Variants in LYPD6B observed in about 807,000 individuals in gnomAD.
LYPD6B encodes the protein ly6/PLAUR domain-containing protein 6B.
Under a neutral mutation model 22.8 loss-of-function variants are expected in LYPD6B, and 17 were observed. The ratio of observed to expected loss-of-function variants is 0.75; its 90% CI spans 0.51 to 1.12. The LOEUF (loss-of-function observed/expected upper bound fraction) is 1.12. Ranked by LOEUF, LYPD6B falls within the 50% of genes most tolerant of loss-of-function variation. LYPD6B has a pLI of 0.00. For missense variants in LYPD6B, 221 were observed against 258.3 expected (o/e 0.86, Z 0.99); for synonymous variants, 106 against 91.6 (o/e 1.16, Z -0.90).
intron 1 of LYPD6B, among the ~76,000 whole-genome samples, chr2:149,069,692 A>G (rs1684509961): frequency 6.6e-6 from 1 of 152,094 alleles, no homozygotes; most frequent in Non-Finnish European, 1.5e-5. Flanking sequence ...CCTGTCTCCT[A>G]TAACTCTGCA....
intron 3 of LYPD6B, among the ~76,000 whole-genome samples, chr2:149,191,283 AACT>A (rs897544385): frequency 6.6e-6 from 1 of 152,188 alleles, no homozygotes; most frequent in Non-Finnish European, 1.5e-5. Flanking sequence ...AATTCTTTAA[AACT>A]TAATTAAATA....
At chr2:149,070,919 C>T (rs1684574698) in intron 1 of LYPD6B, among the ~76,000 whole-genome samples, 2 of 152,180 alleles carry the variant, frequency 1.3e-5, no homozygotes. Context: ...AGGGAAATGA[C>T]AGAGCATATT....
chr2:149,137,469 C>T (rs575016565), intron 2 of LYPD6B, among the ~76,000 whole-genome samples: 1 of 152,250 alleles, frequency 6.6e-6, no homozygotes, highest in African/African-American at 2.4e-5. Flanking sequence ...AACATGTAGG[C>T]ATTTCAAAAT....
chr2:149,190,584 T>C (rs1347487139), intron 3 of LYPD6B, among the ~76,000 whole-genome samples: 1 of 152,218 alleles, frequency 6.6e-6, no homozygotes, highest in Admixed American at 6.5e-5. Flanking sequence ...AACATGTTCA[T>C]GTATCAGCTT....
At chr2:149,165,826 A>C (rs1690383443) in intron 3 of LYPD6B, among the ~76,000 whole-genome samples, 1 of 152,174 alleles carries the variant, frequency 6.6e-6, no homozygotes, top group Non-Finnish European at 1.5e-5. Flanking sequence ...CTCCTAGCAG[A>C]GTTCTCTCTT....
chr2:149,064,086 T>C (rs1030663912), intron 1 of LYPD6B, among the ~76,000 whole-genome samples: 1 of 152,220 alleles, frequency 6.6e-6, no homozygotes, highest in African/African-American at 2.4e-5. Context: ...CTGATTATAC[T>C]GATTGTTTTT....
rs1158167546 is a variant in LYPD6B at position 149,132,972 on chromosome 2, TA to T, written c.5+2021del. Among the ~76,000 whole-genome samples the T allele has an allele frequency of 2.6e-5, 4 of 152,342 alleles. No individual in the cohort carries two copies. In the East Asian group the frequency reaches 5.8e-4, roughly 22 times the overall value. On this transcript the variant is annotated intron_variant, in intron 2 of 6. Coordinates refer to ENST00000409642, the MANE Select transcript of LYPD6B (RefSeq NM_177964.5). ...TGGATCAGGAACTGTAGTACTTATT[TA>T]ATTATATTTCAGAGTTTTGTTTTTA...
At chr2:149,119,601 G>A (rs967111038) in intron 1 of LYPD6B, among the ~76,000 whole-genome samples, 7 of 152,108 alleles carry the variant, frequency 4.6e-5, no homozygotes, top group Admixed American at 6.6e-5. Flanking sequence ...CCTTGGCTCC[G>A]GGCCCGTAGG....
rs557145742 is a variant in LYPD6B at position 149,137,288 on chromosome 2, C to A, written c.5+6335C>A. ...ATCCACTTAAGTGTGTTCCAAAGCT[C>A]AGGCTGTTATTATTTTATTTTTAAG... On this transcript the variant is annotated intron_variant, in intron 2 of 6. Transcript: ENST00000409642. 6.6e-5 allele frequency among the ~76,000 whole-genome samples: 10 copies of A among 152,260 alleles called. No homozygotes were observed. The South Asian group carries it at 2.1e-3, about 32-fold the overall frequency.
At chr2:149,041,710 A>G (rs1451350330) in intron 1 of LYPD6B, among the ~76,000 whole-genome samples, 1 of 152,180 alleles carries the variant, frequency 6.6e-6, no homozygotes, top group Admixed American at 6.5e-5. Flanking sequence ...ATACCATGGG[A>G]GATGCCTAGG....
chr2:149,172,534 A>C (rs1165444100), intron 3 of LYPD6B, among the ~76,000 whole-genome samples: 1 of 152,174 alleles, frequency 6.6e-6, no homozygotes, highest in Non-Finnish European at 1.5e-5. Context: ...TCAGTGGTAC[A>C]ACCAGGACAT....
chr2:149,163,448 A>T (rs747970520), intron 3 of LYPD6B, among the ~76,000 whole-genome samples: 4 of 152,196 alleles, frequency 2.6e-5, no homozygotes, highest in Admixed American at 6.5e-5. Context: ...CAAACAGAAG[A>T]ACAAACAAGT....
At chr2:149,099,552 C>G (rs1029943411) in intron 1 of LYPD6B, among the ~76,000 whole-genome samples, 1 of 151,874 alleles carries the variant, frequency 6.6e-6, no homozygotes, top group Non-Finnish European at 1.5e-5. Flanking sequence ...CAGTGGAACT[C>G]TAAGACTGTC....
chr2:149,212,670 C>T (rs566098751), intron 5 of LYPD6B, among the ~76,000 whole-genome samples: 1 of 152,122 alleles, frequency 6.6e-6, no homozygotes, highest in African/African-American at 2.4e-5. Flanking sequence ...GGGCCAGAGA[C>T]ATAAATATTT....
At chr2:149,138,627 G>A (rs186326715) in intron 2 of LYPD6B, among the ~76,000 whole-genome samples, 2 of 152,034 alleles carry the variant, frequency 1.3e-5, no homozygotes, top group African/African-American at 4.8e-5. Context: ...CTGTATCATC[G>A]AACTCCTGGG....
Position 149,203,104 on chromosome 2 carries a change from T to A in LYPD6B, c.78-2149T>A, listed in dbSNP as rs115725272. Among the ~76,000 whole-genome samples, 1,414 of 152,294 alleles carry A rather than the reference T, an allele frequency of 9.3e-3. 17 individuals carry two copies. Among genetic ancestry groups the A allele is most frequent in the African/African-American group, 0.032 (1,326 of 41,562 alleles). On this transcript the variant is annotated intron_variant, in intron 3 of 6. Coordinates refer to ENST00000409642, the MANE Select transcript of LYPD6B (RefSeq NM_177964.5). Reference sequence around the variant, plus strand: ...CACTCAGCGCGTGCAAACTATGTGCTTAGCTTCCCTATGCACTGGGTCATT... The same window carrying A: ...CACTCAGCGCGTGCAAACTATGTGCATAGCTTCCCTATGCACTGGGTCATT...
intron 1 of LYPD6B, among the ~76,000 whole-genome samples, chr2:149,051,471 A>T (rs570563067): frequency 3.9e-5 from 6 of 152,094 alleles, no homozygotes; most frequent in African/African-American, 1.2e-4. Context: ...GGCCAACAAC[A>T]TTATTTTTAA....
At chr2:149,049,811 T>G (rs1683468968) in intron 1 of LYPD6B, among the ~76,000 whole-genome samples, 1 of 152,072 alleles carries the variant, frequency 6.6e-6, no homozygotes, top group Non-Finnish European at 1.5e-5. Context: ...ATTGGGGCCT[T>G]GAAGGTAAGC....
rs368846813 is a variant in LYPD6B, at chr2:149,157,044, A to G, written c.6-3720A>G. On this transcript the variant is annotated intron_variant, in intron 2 of 6. Coordinates refer to ENST00000409642, the MANE Select transcript of LYPD6B (RefSeq NM_177964.5). ...AGCTCTCAAATTTTGCGTCTCATCT[A>G]TCCAGAATGTGTATTACTGATGTCC... Among the ~76,000 whole-genome samples, 46 of 152,310 alleles carry G rather than the reference A, an allele frequency of 3.0e-4. 2 individuals are homozygous for G. The highest frequency in any genetic ancestry group is 1.1e-3 in the African/African-American group (45 of 41,552).
Sources: gnomAD v4.1 joint callset for allele counts (sites outside exome capture counted in the v4.1 genomes callset) on GRCh38, gnomAD v4.1.1 for gene constraint, MANE v1.5 for transcripts, NCBI Gene and HGNC (gene_info 2026-07-23, HGNC 2026-07-21) for gene names.